Variants in ABCG2 observed in about 807,000 individuals in gnomAD.
ABCG2 encodes the protein ATP binding cassette subfamily G member 2 (JR blood group), also known as broad substrate specificity ATP-binding cassette transporter ABCG2.
A neutral mutation model predicts 73.5 loss-of-function variants in ABCG2; 80 were observed. The observed-to-expected ratio is 1.09, with a 90% CI of 0.91 to 1.31. The LOEUF is 1.31. ABCG2 is among the 50% of genes most tolerant of loss of function. ABCG2 has a pLI of 0.00. For synonymous variants in ABCG2, 269 were observed against 282.4 expected (o/e 0.95, Z 0.48); for missense variants, 796 against 786.2 (o/e 1.01, Z -0.15).
chr4:88,105,531 A>G (rs551714023), intron 10 of ABCG2, among the ~76,000 whole-genome samples: 71 of 152,322 alleles, frequency 4.7e-4, no homozygotes, highest in African/African-American at 1.7e-3. Flanking sequence ...TTAAGGGTCC[A>G]CTGTGACTGA....
Position 88,202,354 on chromosome 4 carries a change from T to TTATATA in ABCG2, c.-20+28634_-20+28639dup, listed in dbSNP as rs57530549. Among the ~76,000 whole-genome samples, 20 of 62,086 alleles carry TTATATA rather than the reference T, an allele frequency of 3.2e-4. 2 individuals are homozygous for TTATATA. The highest frequency in any genetic ancestry group is 3.5e-4 in the Non-Finnish European group (11 of 31,014). 40.7% of individuals were successfully genotyped at this position (62,086 alleles called of 152,430 possible). ...AGGAGGACCCCATCTCTACAATTAT[T>TTATATA]TATATATATATATATATATATATGT... On this transcript the variant is annotated intron_variant, in intron 1 of 15. Coordinates refer to the ABCG2 transcript ENST00000515655.
chr4:88,197,514 G>T (rs960113842), intron 1 of ABCG2, among the ~76,000 whole-genome samples: 1 of 152,036 alleles, frequency 6.6e-6, no homozygotes, highest in African/African-American at 2.4e-5. Context: ...TACTCAGGAG[G>T]CTGAGGTAGG....
intron 1 of ABCG2, among the ~76,000 whole-genome samples, chr4:88,176,182 A>T (rs1016583510): frequency 6.7e-6 from 1 of 148,640 alleles, no homozygotes; most frequent in Admixed American, 6.7e-5. Flanking sequence ...TTTTGTGGAG[A>T]CAGGGTCTTG....
chr4:88,095,449 G>A (rs746949958), intron 14 of ABCG2, 71 bp downstream of exon 14: 2 of 1,361,632 alleles, frequency 1.5e-6, no homozygotes, highest in Non-Finnish European at 2.1e-6. Context: ...AGGGAAATGA[G>A]ATGAGGACAC....
chr4:88,111,665 T>C (rs1479126283), intron 9 of ABCG2, among the ~76,000 whole-genome samples: 1 of 152,202 alleles, frequency 6.6e-6, no homozygotes, highest in Non-Finnish European at 1.5e-5. Context: ...ATGTGCCATC[T>C]TTTAGTACTC....
At chr4:88,156,137 G>A (rs1007399579) in intron 1 of ABCG2, among the ~76,000 whole-genome samples, 3 of 151,954 alleles carry the variant, frequency 2.0e-5, no homozygotes, top group Admixed American at 6.6e-5. Context: ...CACTTTGGGA[G>A]GCCGAGGCGG....
intron 1 of ABCG2, among the ~76,000 whole-genome samples, chr4:88,152,468 G>A (rs1726563887): frequency 6.6e-6 from 1 of 152,142 alleles, no homozygotes; most frequent in Admixed American, 6.5e-5. Context: ...ATAAGATTTG[G>A]GTAGGTAAAG....
At chr4:88,214,692 C>CA (rs894526744) in intron 1 of ABCG2, among the ~76,000 whole-genome samples, 5 of 150,244 alleles carry the variant, frequency 3.3e-5, no homozygotes, top group East Asian at 4.0e-4. Flanking sequence ...CCCATCTCTA[C>CA]AAAAAAAAGT....
At chr4:88,131,301 A>C (rs1364310640) in intron 4 of ABCG2, 88 bp from the exon 5 acceptor site, 2 of 1,361,502 alleles carry the variant, frequency 1.5e-6, no homozygotes, top group East Asian at 2.3e-5. Context: ...CATAATCCAC[A>C]AAGATAACAT....
chr4:88,115,704 C>T (rs1723530366), intron 7 of ABCG2, among the ~76,000 whole-genome samples: 1 of 151,952 alleles, frequency 6.6e-6, no homozygotes, highest in African/African-American at 2.4e-5. Context: ...GTGCTTGGTC[C>T]TTACCTATCA....
At chr4:88,152,243 T>C (rs951637756) in intron 1 of ABCG2, among the ~76,000 whole-genome samples, 1 of 152,230 alleles carries the variant, frequency 6.6e-6, no homozygotes, top group African/African-American at 2.4e-5. Flanking sequence ...CCAATTTTAC[T>C]TCTTTCCCAT....
At chr4:88,174,853 T>C (rs978899494) in intron 1 of ABCG2, among the ~76,000 whole-genome samples, 1 of 152,248 alleles carries the variant, frequency 6.6e-6, no homozygotes, top group Non-Finnish European at 1.5e-5. Context: ...AGGGTTTTTA[T>C]GGTTTTGGGT....
At chr4:88,189,476 T>C (rs2127862) in intron 1 of ABCG2, among the ~76,000 whole-genome samples, 84,473 of 151,664 alleles carry the variant, frequency 0.56, 24,406 homozygotes, top group East Asian at 0.99. Context: ...ATCATGCCAC[T>C]GTACTCTAGC....
intron 12 of ABCG2, 32 bp downstream of exon 12, chr4:88,099,292 A>G: frequency 6.5e-7 from 1 of 1,548,668 alleles, no homozygotes; most frequent in Non-Finnish European, 8.7e-7. Flanking sequence ...AAGACTAAAG[A>G]CATGTCCTTT....
At chr4:88,111,337 T>G (rs566480593) in intron 9 of ABCG2, among the ~76,000 whole-genome samples, 4 of 152,294 alleles carry the variant, frequency 2.6e-5, no homozygotes, top group Non-Finnish European at 5.9e-5. Context: ...AAGAATAAAA[T>G]TTTGCCTTTA....
In ABCG2 at chr4:88,186,726, C is replaced by T. The variant is rs956703882; in HGVS notation, c.-20+44268G>A. On this transcript the variant is annotated intron_variant, in intron 1 of 15. Coordinates refer to the ABCG2 transcript ENST00000515655. ...CGAGGTCAGGAGATCGAGACCATCCCGGCTAAAACGGTGAAACCCCGTCTC... is the reference window on the plus strand; with the variant it reads ...CGAGGTCAGGAGATCGAGACCATCCTGGCTAAAACGGTGAAACCCCGTCTC... Among the ~76,000 whole-genome samples the T allele has an allele frequency of 6.6e-5, 10 of 150,882 alleles. No homozygotes were observed. The East Asian group carries it at 1.8e-3, about 27-fold the overall frequency.
intron 1 of ABCG2, among the ~76,000 whole-genome samples, chr4:88,145,603 T>C (rs1039868919): frequency 6.6e-6 from 1 of 152,128 alleles, no homozygotes; most frequent in African/African-American, 2.4e-5. Context: ...TGAGGCCTTT[T>C]AATCAGGAAA....
rs759110206 is a variant in ABCG2 at position 88,095,562 on chromosome 4, C to G, written c.1695G>C (p.Leu565=). The G allele has an allele frequency of 6.2e-7, 1 of 1,613,836 alleles. No homozygotes were observed. ...LVNLTTIASW[L]SWLQYFSIPR... The stretch of plus-strand genomic sequence containing the variant: ...GAATGCTGAAGTACTGAAGCCATGA[C>G]AGCCAAGATGCAATGGTTGTGAGAT... Residue 565 remains leucine, a synonymous_variant, in exon 14 of 16, where the codon CTG becomes CTC. Transcript: ENST00000237612.
chr4:88,210,807 T>G (rs1729562207), intron 1 of ABCG2, among the ~76,000 whole-genome samples: 1 of 152,138 alleles, frequency 6.6e-6, no homozygotes. Context: ...GGTCTCGAAC[T>G]CCTAGCTTCT....
Sources: gnomAD v4.1 joint callset for allele counts (sites outside exome capture counted in the v4.1 genomes callset) on GRCh38, gnomAD v4.1.1 for gene constraint, MANE v1.5 for transcripts, NCBI Gene and HGNC (gene_info 2026-07-23, HGNC 2026-07-21) for gene names.